KIZ: variants seen among roughly 807,000 people sequenced by gnomAD.
KIZ encodes the protein kizuna centrosomal protein.
In KIZ, 68 loss-of-function variants were observed where a neutral mutation model predicts 79.6. The ratio of observed to expected loss-of-function variants is 0.85; its 90% CI spans 0.70 to 1.05. KIZ has a LOEUF of 1.05. Among genes scored for constraint, KIZ ranks in the 50% least tolerant of loss-of-function variants. The pLI, the probability that KIZ is intolerant of heterozygous loss-of-function variation, is 0.00. For synonymous variants in KIZ, 280 were observed against 281.8 expected, an observed-to-expected ratio of 0.99 and a Z score of 0.06; for missense variants, 797 against 800.4, an observed-to-expected ratio of 1.00 and a Z score of 0.05.
chr20:21,178,536 T>G (rs1254884963), intron 6 of KIZ, among the ~76,000 whole-genome samples: 2 of 151,474 alleles, frequency 1.3e-5, no homozygotes, highest in Non-Finnish European at 3.0e-5. Flanking sequence ...ACAGGGACAA[T>G]TTTACTTGGA....
chr20:21,136,743 G>A (rs1023612477), intron 3 of KIZ, among the ~76,000 whole-genome samples, 191 bp downstream of exon 3: 6 of 151,960 alleles, frequency 3.9e-5, no homozygotes, highest in African/African-American at 1.5e-4. Context: ...TACCTCCCGA[G>A]TAGCTGGGAT....
intron 6 of KIZ, among the ~76,000 whole-genome samples, chr20:21,165,498 A>G (rs1000058167): frequency 1.3e-5 from 2 of 152,212 alleles, no homozygotes; most frequent in African/African-American, 4.8e-5. Context: ...TATGCTTTGT[A>G]GAGCTGTTGA....
intron 3 of KIZ, among the ~76,000 whole-genome samples, chr20:21,143,763 A>T (rs947448705): frequency 4.6e-5 from 7 of 152,310 alleles, no homozygotes; most frequent in African/African-American, 1.7e-4. Context: ...GCTCCAGACC[A>T]GGAGATGTTA....
intron 6 of KIZ, among the ~76,000 whole-genome samples, chr20:21,169,727 A>G (rs910559188): frequency 6.6e-6 from 1 of 152,018 alleles, no homozygotes; most frequent in Non-Finnish European, 1.5e-5. Context: ...CCATCTACTC[A>G]CCCCTCTTCC....
intron 7 of KIZ, among the ~76,000 whole-genome samples, chr20:21,212,559 T>A (rs1202821953): frequency 1.3e-5 from 2 of 152,260 alleles, no homozygotes; most frequent in Non-Finnish European, 2.9e-5. Context: ...GTTAGGTGTG[T>A]TAAATACATT....
At chr20:21,167,797 G>T (rs2034015125) in intron 6 of KIZ, among the ~76,000 whole-genome samples, 1 of 152,052 alleles carries the variant, frequency 6.6e-6, no homozygotes, top group Non-Finnish European at 1.5e-5. Context: ...CTAACCTCAG[G>T]AGATTTGCCT....
chr20:21,184,131 C>T (rs189683704), intron 6 of KIZ, among the ~76,000 whole-genome samples: 19 of 151,516 alleles, frequency 1.3e-4, no homozygotes, highest in African/African-American at 4.6e-4. Context: ...CTTTCCTTCT[C>T]TGCATCCCTG....
intron 6 of KIZ, chr20:21,196,016 T>A (rs1187721259): frequency 1.3e-5 from 2 of 152,568 alleles, no homozygotes; most frequent in African/African-American, 2.4e-5. Context: ...GTCTCCTGAC[T>A]GGTCTCTGGG....
At position 21,211,397 on chromosome 20, in the gene KIZ, GT is replaced by G. The variant is rs575012157; in HGVS notation, c.1447-3135del. 1.9e-4 allele frequency among the ~76,000 whole-genome samples: 29 copies of G among 152,312 alleles called. 1 individual carries two copies. In the South Asian group the frequency reaches 5.0e-3, roughly 26 times the overall value. ...GGGGAGGCTGAAAAGTGAGGGGGTG[GT>G]TTGTTCGTACTGACTTAGCCTTCAG... On this transcript the variant is annotated intron_variant, in intron 7 of 12. Coordinates refer to ENST00000619189, the MANE Select transcript of KIZ (RefSeq NM_018474.6).
chr20:21,217,185 A>T (rs1232025198), intron 9 of KIZ, among the ~76,000 whole-genome samples: 1 of 152,228 alleles, frequency 6.6e-6, no homozygotes, highest in Non-Finnish European at 1.5e-5. Flanking sequence ...CACATTGTTA[A>T]GGTGTTACTG....
intron 6 of KIZ, among the ~76,000 whole-genome samples, chr20:21,164,630 G>C (rs2033844451): frequency 6.6e-6 from 1 of 151,670 alleles, no homozygotes; most frequent in African/African-American, 2.4e-5. Flanking sequence ...TTTCTGAGGT[G>C]AAAAAAATTG....
In KIZ at chr20:21,162,496, A is replaced by C. The variant is rs749637827; in HGVS notation, c.1031A>C (p.Glu344Ala). 4 of 1,611,438 alleles carry C rather than the reference A, an allele frequency of 2.5e-6. No individual in the cohort carries two copies. The highest frequency in any genetic ancestry group is 3.4e-6 in the Non-Finnish European group (4 of 1,178,434). Reference protein sequence around the residue: ...KWSQEKHSPWEGVSDHLAHRE... With the variant: ...KWSQEKHSPWAGVSDHLAHRE... ...TCTCAAGAGAAGCATTCTCCTTGGG[A>C]AGGTGTTTCAGGTGGGATGAGAGGC... Residue 344 changes from glutamate to alanine, a missense_variant, in exon 5 of 13, where the codon GAA becomes GCA. Transcript: ENST00000619189.
intron 6 of KIZ, among the ~76,000 whole-genome samples, chr20:21,192,121 C>T (rs1488856255): frequency 6.6e-6 from 1 of 151,992 alleles, no homozygotes; most frequent in Non-Finnish European, 1.5e-5. Context: ...AGTTTCCTAG[C>T]CAGTTTTTCT....
rs765381636 is a variant in KIZ at position 21,214,606 on chromosome 20, ATCT to A, written c.1520_1522del (p.Ser507del). The A allele has an allele frequency of 6.0e-5, 97 of 1,611,796 alleles. No homozygotes were observed. The Admixed American group carries it at 1.5e-3, about 26-fold the overall frequency. ...GGTCAGCTATTCACAGTAGTGAATCATCTTGCAGCTTGCCATCTATTCTGAATG... is the reference window on the plus strand; with the variant it reads ...GGTCAGCTATTCACAGTAGTGAATCATGCAGCTTGCCATCTATTCTGAATG... On this transcript the variant is annotated inframe_deletion, in exon 8 of 13. Transcript: ENST00000619189.
At position 21,166,384 on chromosome 20, in the gene KIZ, A is replaced by G. The variant is rs1024579229; in HGVS notation, c.1352+3225A>G. 28 of 1,600,234 alleles carry G rather than the reference A, an allele frequency of 1.7e-5. No homozygotes were observed. The Middle Eastern group carries it at 6.8e-4, about 39-fold the overall frequency. On this transcript the variant is annotated intron_variant, in intron 6 of 12. Coordinates refer to ENST00000619189, the MANE Select transcript of KIZ (RefSeq NM_018474.6). ...TCAAATCTGGAGCTGATCACTCCAC[A>G]CTTGTTTAGCCTGCCTGTGAGGTTC...
intron 3 of KIZ, among the ~76,000 whole-genome samples, chr20:21,141,716 A>G (rs1331731812): frequency 6.6e-6 from 1 of 151,886 alleles, no homozygotes; most frequent in Non-Finnish European, 1.5e-5. Flanking sequence ...TTGGCCTGAA[A>G]TGCTGGCCCA....
At position 21,211,359 on chromosome 20, in the gene KIZ, T is replaced by C. The variant is rs570778819; in HGVS notation, c.1447-3176T>C. 2.0e-5 allele frequency among the ~76,000 whole-genome samples: 3 copies of C among 152,304 alleles called. No individual in the cohort carries two copies. In the South Asian group the frequency reaches 6.2e-4, roughly 32 times the overall value. On this transcript the variant is annotated intron_variant, in intron 7 of 12. Transcript: ENST00000619189. ...CCTGGCATTTAATTTCCAAGTCCTT[T>C]CTCCTGGCTCCTGGGGAGGCTGAAA...
intron 1 of KIZ, among the ~76,000 whole-genome samples, chr20:21,131,080 T>C (rs2031809733): frequency 1.3e-5 from 2 of 152,342 alleles, no homozygotes; most frequent in Middle Eastern, 6.8e-3. Flanking sequence ...TTAGGTGGGA[T>C]TGAAACAAAT....
intron 4 of KIZ, among the ~76,000 whole-genome samples, chr20:21,158,894 A>G (rs1037455347): frequency 1.3e-5 from 2 of 152,142 alleles, no homozygotes; most frequent in Admixed American, 1.3e-4. Flanking sequence ...CCTGGGCCCA[A>G]GCAGTTCTCC....
Sources: gnomAD v4.1 joint callset for allele counts (sites outside exome capture counted in the v4.1 genomes callset) on GRCh38, gnomAD v4.1.1 for gene constraint, MANE v1.5 for transcripts, NCBI Gene and HGNC (gene_info 2026-07-23, HGNC 2026-07-21) for gene names.